ACBD3: variants seen among roughly 807,000 people sequenced by gnomAD.
ACBD3 encodes the protein acyl-CoA binding domain containing 3, also known as Golgi resident protein GCP60.
Under a neutral mutation model 66.9 loss-of-function variants are expected in ACBD3, and 30 were observed. That is an observed-to-expected ratio of 0.45 (90% CI 0.34 to 0.61). The LOEUF (loss-of-function observed/expected upper bound fraction) is 0.61, where lower values mean the gene tolerates loss of function less well. ACBD3 is among the 20% of genes least tolerant of loss of function. The pLI, the probability that ACBD3 is intolerant of heterozygous loss-of-function variation, is 0.02. For missense variants in ACBD3, 544 were observed against 664.5 expected (o/e 0.82, Z 1.99); for synonymous variants, 278 against 259.8 (o/e 1.07, Z -0.68).
At position 226,161,613 on chromosome 1, in the gene ACBD3, T is replaced by C. The variant is rs1353100619; in HGVS notation, c.646A>G (p.Arg216Gly). Residue 216 changes from arginine (R) to glycine (G), a missense_variant, in exon 4 of 8, where the codon AGA (arginine) becomes GGA (glycine). Physicochemically the swap from Arg to Gly is moderately radical, Grantham distance 125. Around this residue, in one of 3 missense-constraint regions of ACBD3, gnomAD observed 383 missense variants for 462.4 expected, o/e 0.83. Transcript: ENST00000366812. The part of the protein sequence containing the change: ...RLQKEEEKRR[R>G]EEEERLRREE... ...CGTCGAAGCCTTTCCTCTTCTTCTC[T>C]CCTACGTTTCTCTTCCTCCTTTTGC... 1.4e-5 allele frequency: 23 copies of C among 1,613,900 alleles called. No individual in the cohort carries two copies. The highest frequency in any genetic ancestry group is 1.9e-5 in the Non-Finnish European group (23 of 1,179,954).
intron 4 of ACBD3, 27 bp downstream of exon 4, chr1:226,161,504 A>C: frequency 6.2e-7 from 1 of 1,604,966 alleles, no homozygotes; most frequent in Non-Finnish European, 8.5e-7. Context: ...TTCTCATTTT[A>C]AAACATAAGC....
intron 1 of ACBD3, among the ~76,000 whole-genome samples, chr1:226,181,599 C>T (rs1381628741): frequency 6.6e-6 from 1 of 152,074 alleles, no homozygotes; most frequent in African/African-American, 2.4e-5. Flanking sequence ...GGATTAATAC[C>T]CTTACAGAAG....
rs927920103 is a variant in ACBD3 at position 226,145,752 on chromosome 1, C to T, written c.*858G>A. The T allele has an allele frequency of 6.6e-6, 1 of 152,506 alleles. No individual in the cohort carries two copies. Among genetic ancestry groups the T allele is most frequent in the Non-Finnish European group, 1.5e-5 (1 of 67,998 alleles). 9.4% of individuals were successfully genotyped at this position (152,506 alleles called of 1,614,324 possible). ...TTAAATGATTTTATGTATTTTAATT[C>T]AGTAGGTGCCAATTTGAGTTTATAA... On this transcript the variant is annotated 3_prime_UTR_variant, in exon 8 of 8. Transcript: ENST00000366812.
At chr1:226,176,329 G>C (rs974464445) in intron 1 of ACBD3, among the ~76,000 whole-genome samples, 7 of 151,558 alleles carry the variant, frequency 4.6e-5, no homozygotes, top group Non-Finnish European at 8.8e-5. Context: ...GGGGGCTGAG[G>C]CTGGAGAACT....
At chr1:226,164,301 A>G (rs949271313) in intron 3 of ACBD3, among the ~76,000 whole-genome samples, 1 of 152,164 alleles carries the variant, frequency 6.6e-6, no homozygotes. Context: ...AAGCATAAAC[A>G]GCACATTCAG....
chr1:226,174,863 G>T (rs533070476), intron 1 of ACBD3, among the ~76,000 whole-genome samples: 7 of 151,774 alleles, frequency 4.6e-5, no homozygotes, highest in Non-Finnish European at 1.0e-4. Flanking sequence ...CACTTTGGGA[G>T]GCCAAGGCAG....
chr1:226,154,286 C>G (rs992192503), intron 6 of ACBD3, among the ~76,000 whole-genome samples: 2 of 151,978 alleles, frequency 1.3e-5, no homozygotes, highest in African/African-American at 4.8e-5. Flanking sequence ...TAGTTCACTG[C>G]AGCCTCAAAC....
At chr1:226,147,145 C>T (rs1659470856) in intron 7 of ACBD3, among the ~76,000 whole-genome samples, 1 of 152,150 alleles carries the variant, frequency 6.6e-6, no homozygotes, top group Admixed American at 6.5e-5. Flanking sequence ...CTGCCTCGGC[C>T]TCCCAAAGTG....
intron 5 of ACBD3, among the ~76,000 whole-genome samples, chr1:226,156,482 C>T (rs1024478443): frequency 2.0e-5 from 3 of 151,952 alleles, no homozygotes; most frequent in Admixed American, 6.6e-5. Flanking sequence ...TAAGCAAGTA[C>T]GTATATGTTC....
chr1:226,160,863 T>TAGACTGGACCA (rs1659758043), intron 4 of ACBD3, among the ~76,000 whole-genome samples: 1 of 152,224 alleles, frequency 6.6e-6, no homozygotes, highest in Admixed American at 6.5e-5. Flanking sequence ...ATATCTGACA[T>TAGACTGGACCA]AGACTGGACC....
At chr1:226,167,260 TATA>T (rs1373830246) in intron 1 of ACBD3, among the ~76,000 whole-genome samples, 1 of 152,208 alleles carries the variant, frequency 6.6e-6, no homozygotes, top group East Asian at 1.9e-4. Context: ...ACTAAGGTAG[TATA>T]ATGTGGTGGA....
In ACBD3 at chr1:226,161,565, T is replaced by A; in HGVS notation, c.694A>T (p.Ile232Leu). The A allele has an allele frequency of 6.2e-7, 1 of 1,614,090 alleles. No homozygotes were observed. ...LRREEEERRR[I>L]EEERLRLEQQ... is the part of the protein sequence containing the mutation. ...TCCAACCGAAGCCTTTCTTCTTCTATCCGTCTCCTTTCCTCTTCCTCCCGT... is the reference window on the plus strand; with the variant it reads ...TCCAACCGAAGCCTTTCTTCTTCTAACCGTCTCCTTTCCTCTTCCTCCCGT... Residue 232 changes from isoleucine (I) to leucine (L), a missense_variant, in exon 4 of 8, where the codon ATA becomes TTA. Coordinates refer to ENST00000366812, the MANE Select transcript of ACBD3 (RefSeq NM_022735.4).
chr1:226,166,044 A>G (rs749577222), intron 1 of ACBD3, 44 bp from the exon 2 acceptor site: 3 of 1,572,236 alleles, frequency 1.9e-6, no homozygotes, highest in Non-Finnish European at 2.6e-6. Flanking sequence ...GCACAGGCAA[A>G]ATACATAATT....
At chr1:226,179,469 C>CA (rs1201364911) in intron 1 of ACBD3, among the ~76,000 whole-genome samples, 6 of 152,156 alleles carry the variant, frequency 3.9e-5, no homozygotes, top group African/African-American at 1.4e-4. Flanking sequence ...ATATTTCCAC[C>CA]AAAGCAGCCT....
At chr1:226,176,576 C>T (rs896626293) in intron 1 of ACBD3, among the ~76,000 whole-genome samples, 2 of 151,980 alleles carry the variant, frequency 1.3e-5, no homozygotes, top group African/African-American at 4.8e-5. Context: ...TGCTTGTGGT[C>T]ATATTTATTA....
At chr1:226,156,285 TTA>T (rs1328514545) in intron 5 of ACBD3, among the ~76,000 whole-genome samples, 1 of 152,238 alleles carries the variant, frequency 6.6e-6, no homozygotes, top group Non-Finnish European at 1.5e-5. Flanking sequence ...ACATTCTTTT[TTA>T]TGTCTGGCTA....
At chr1:226,153,182 T>C (rs1659609186) in intron 6 of ACBD3, among the ~76,000 whole-genome samples, 1 of 152,214 alleles carries the variant, frequency 6.6e-6, no homozygotes, top group East Asian at 1.9e-4. Context: ...AGTACCTATG[T>C]GCACTTGACT....
At chr1:226,151,256 GGTCA>G (rs1369529410) in intron 7 of ACBD3, among the ~76,000 whole-genome samples, 8 of 152,296 alleles carry the variant, frequency 5.3e-5, no homozygotes, top group African/African-American at 1.9e-4. Context: ...CCACCTGAAA[GGTCA>G]GTTAGTCTGG....
At chr1:226,168,308 CA>C (rs1659912971) in intron 1 of ACBD3, among the ~76,000 whole-genome samples, 1 of 152,142 alleles carries the variant, frequency 6.6e-6, no homozygotes, top group Non-Finnish European at 1.5e-5. Flanking sequence ...GAAGGGAAAG[CA>C]AAACCATGGA....
Sources: gnomAD v4.1 joint callset for allele counts (sites outside exome capture counted in the v4.1 genomes callset) on GRCh38, gnomAD v4.1.1 for gene constraint, gnomAD v4.1.1 regional missense constraint, MANE v1.5 for transcripts, NCBI Gene and HGNC (gene_info 2026-07-23, HGNC 2026-07-21) for gene names.